The following SPATA13 variants were observed in gnomAD, a reference collection of about 807,000 sequenced individuals.
SPATA13 encodes spermatogenesis-associated protein 13.
SPATA13 carries 50 observed loss-of-function variants against 104.0 expected under a neutral mutation model. That is an observed-to-expected ratio of 0.48 (90% CI 0.38 to 0.61). The LOEUF is 0.61. SPATA13 is among the 20% of genes least tolerant of loss of function. The pLI, the probability that SPATA13 is intolerant of heterozygous loss-of-function variation, is 0.00. For missense variants in SPATA13, 1,524 were observed against 1,690.6 expected, an observed-to-expected ratio of 0.90 and a Z score of 1.73; for synonymous variants, 606 against 667.5, an observed-to-expected ratio of 0.91 and a Z score of 1.42.
intron 12 of SPATA13, 138 bp downstream of exon 12, chr13:24,300,613 G>T: frequency 1.3e-6 from 1 of 742,348 alleles, no homozygotes; most frequent in South Asian, 1.6e-5. Flanking sequence ...GGCAGGTCCA[G>T]AACAGGGGCC....
chr13:24,069,546 G>A (rs1879086246), intron 3 of SPATA13, among the ~76,000 whole-genome samples: 1 of 152,106 alleles, frequency 6.6e-6, no homozygotes, highest in South Asian at 2.1e-4. Context: ...CTAGATATAG[G>A]ATCATGTGTC....
At chr13:24,180,308 T>C (rs1035848182) in intron 1 of SPATA13, among the ~76,000 whole-genome samples, 5 of 152,226 alleles carry the variant, frequency 3.3e-5, no homozygotes, top group African/African-American at 1.2e-4. Context: ...AGCATGACTA[T>C]AAAATTTTAT....
intron 2 of SPATA13, among the ~76,000 whole-genome samples, chr13:24,231,608 G>A (rs1157105786): frequency 1.3e-5 from 2 of 152,122 alleles, no homozygotes; most frequent in African/African-American, 2.4e-5. Flanking sequence ...CTTTCTCTTG[G>A]GTGGATACCT....
chr13:23,986,864 C>G (rs1201508182), intron 2 of SPATA13, among the ~76,000 whole-genome samples: 1 of 152,106 alleles, frequency 6.6e-6, no homozygotes, highest in Non-Finnish European at 1.5e-5. Flanking sequence ...GCAGTTTCCT[C>G]AGATTGGAAA....
chr13:24,297,246 C>A, intron 10 of SPATA13, 117 bp from the exon 11 acceptor site: 1 of 1,253,288 alleles, frequency 8.0e-7, no homozygotes, highest in Non-Finnish European at 1.1e-6. Flanking sequence ...TGCTGTGTTG[C>A]CCAGGCTGGT....
At chr13:24,004,672 C>T (rs953702606) in intron 2 of SPATA13, among the ~76,000 whole-genome samples, 4 of 152,280 alleles carry the variant, frequency 2.6e-5, no homozygotes, top group African/African-American at 4.8e-5. Context: ...AAATCAATTC[C>T]GAGACTGCTC....
rs571724809 is a variant in SPATA13, at chr13:24,282,986, C to T, written c.2165-1149C>T. On this transcript the variant is annotated intron_variant, in intron 4 of 12. Coordinates refer to ENST00000382108, the MANE Select transcript of SPATA13 (RefSeq NM_001166271.3). ...TTCCTTTCTCCAAACCCTGGAACAG[C>T]AGCCCAGGATGAACTCTAGCCTGTG... Among the ~76,000 whole-genome samples, 359 of 152,338 alleles carry T rather than the reference C, an allele frequency of 2.4e-3. 2 individuals are homozygous for T. The highest frequency in any genetic ancestry group is 4.2e-3 in the Non-Finnish European group (288 of 68,024).
At chr13:24,001,587 T>A (rs1275270576) in intron 2 of SPATA13, among the ~76,000 whole-genome samples, 3 of 151,884 alleles carry the variant, frequency 2.0e-5, no homozygotes, top group Non-Finnish European at 4.4e-5. Flanking sequence ...CCCTGTGTCC[T>A]GATGGTGATG....
chr13:24,221,036 T>C (rs1382737999), intron 1 of SPATA13, among the ~76,000 whole-genome samples: 2 of 152,212 alleles, frequency 1.3e-5, no homozygotes, highest in Admixed American at 1.3e-4. Context: ...CATTGACTGA[T>C]GTCTAAAGAT....
At chr13:23,993,468 C>T (rs550588465) in intron 2 of SPATA13, among the ~76,000 whole-genome samples, 2 of 152,228 alleles carry the variant, frequency 1.3e-5, no homozygotes, top group Admixed American at 1.3e-4. Flanking sequence ...AATAAGGCTT[C>T]TCTGCAAATA....
chr13:24,186,578 T>C (rs1175015725), intron 1 of SPATA13, among the ~76,000 whole-genome samples: 1 of 152,218 alleles, frequency 6.6e-6, no homozygotes, highest in Non-Finnish European at 1.5e-5. Flanking sequence ...CCCCAGGGTC[T>C]AAGTAATGCC....
intron 11 of SPATA13, among the ~76,000 whole-genome samples, chr13:24,297,997 T>C (rs1343406073): frequency 1.3e-5 from 2 of 152,266 alleles, no homozygotes; most frequent in Admixed American, 1.3e-4. Flanking sequence ...AGAGATTGTC[T>C]CATTGAATCC....
chr13:24,251,913 C>T (rs2793491), intron 4 of SPATA13, 51 bp downstream of exon 4: 353,215 of 1,565,718 alleles, frequency 0.23, 41,517 homozygotes, highest in African/African-American at 0.38. Context: ...CCCATCTGAC[C>T]GTTTCCAGCT....
At chr13:24,061,022 A>G (rs9511026) in intron 3 of SPATA13, among the ~76,000 whole-genome samples, 71,184 of 152,044 alleles carry the variant, frequency 0.47, 17,923 homozygotes, top group Non-Finnish European at 0.56. Context: ...TGGGGCAACA[A>G]AGCAAGACTC....
At chr13:24,202,370 A>G (rs1470620153) in intron 1 of SPATA13, among the ~76,000 whole-genome samples, 2 of 152,040 alleles carry the variant, frequency 1.3e-5, no homozygotes, top group African/African-American at 4.8e-5. Flanking sequence ...CAGCAGCAGT[A>G]AATGTGGTGC....
At chr13:24,122,354 C>T in intron 3 of SPATA13, 1 of 1,534,292 alleles carries the variant, frequency 6.5e-7, no homozygotes, top group Non-Finnish European at 9.0e-7. Flanking sequence ...ATCTGATACA[C>T]ATCAACAGGG....
intron 7 of SPATA13, among the ~76,000 whole-genome samples, chr13:24,288,225 GAAGTT>G (rs1465298751): frequency 1.3e-5 from 2 of 152,206 alleles, no homozygotes; most frequent in African/African-American, 2.4e-5. Context: ...AAGGCACAGA[GAAGTT>G]AAGTGGTGGG....
chr13:23,984,557 G>A (rs781326105), intron 2 of SPATA13, among the ~76,000 whole-genome samples: 6 of 152,088 alleles, frequency 3.9e-5, no homozygotes, highest in East Asian at 1.9e-4. Context: ...TGTCATCCTC[G>A]CATTTCCAAC....
At chr13:24,140,030 C>G (rs922423801) in intron 3 of SPATA13, among the ~76,000 whole-genome samples, 8 of 149,524 alleles carry the variant, frequency 5.4e-5, no homozygotes, top group African/African-American at 2.0e-4. Context: ...GGTCGTGCCA[C>G]TGCACGCCAG....
Sources: gnomAD v4.1 joint callset for allele counts (sites outside exome capture counted in the v4.1 genomes callset) on GRCh38, gnomAD v4.1.1 for gene constraint, MANE v1.5 for transcripts, NCBI Gene and HGNC (gene_info 2026-07-23, HGNC 2026-07-21) for gene names.